The following NPB variants were observed in gnomAD, a reference collection of about 807,000 sequenced individuals.
The protein encoded by NPB is prepro-NPB.
In NPB, 8 loss-of-function variants were observed where a neutral mutation model predicts 6.7. The observed-to-expected ratio is 1.20, with a 90% CI of 0.71 to 2.17. NPB has a LOEUF of 2.17. Ranked by LOEUF, NPB falls within the 30% of genes most tolerant of loss-of-function variation. NPB has a pLI of 0.00. For synonymous variants in NPB, 118 were observed against 103.4 expected (o/e 1.14, Z -0.86); for missense variants, 199 against 190.2 (o/e 1.05, Z -0.27).
Position 81,902,433 on chromosome 17 carries a change from C to T in NPB, c.156C>T (p.Tyr52=). 1 of 1,353,012 alleles carries T rather than the reference C, an allele frequency of 7.4e-7. No homozygotes were observed. Among genetic ancestry groups the T allele is most frequent in the Non-Finnish European group, 9.4e-7 (1 of 1,060,232 alleles). The allele number at this position is 1,353,012 out of a possible 1,614,324, so 83.8% of individuals were successfully genotyped here. ...GLLSGLRRSP[Y]ARRSQPYRGA... Reference sequence around the variant, plus strand: ...TGTCCGGCCTCCGCAGGTCCCCGTACGCGCGGCGCTCCCAGCCCTACAGAG... The same window carrying T: ...TGTCCGGCCTCCGCAGGTCCCCGTATGCGCGGCGCTCCCAGCCCTACAGAG... Residue 52 remains tyrosine (Y), a synonymous_variant, in exon 1 of 2, where the codon TAC becomes TAT. Coordinates refer to ENST00000333383, the MANE Select transcript of NPB (RefSeq NM_148896.5).
chr17:81,902,767 A>G lies in NPB; in HGVS notation c.*19A>G, dbSNP rs1000430804. On this transcript the variant is annotated 3_prime_UTR_variant, in exon 2 of 2. Coordinates refer to ENST00000333383, the MANE Select transcript of NPB (RefSeq NM_148896.5). ...CGCCTGAGCCCGGACCTCTCCTGGC[A>G]CCGCTGGGGGCCCCCCGCCCCCACC... 1.6e-5 allele frequency: 25 copies of G among 1,591,394 alleles called. No individual in the cohort carries two copies. The highest frequency in any genetic ancestry group is 2.1e-5 in the Non-Finnish European group (25 of 1,171,362).
Position 81,902,684 on chromosome 17 carries a change from G to T in NPB, c.314G>T (p.Gly105Val). ...TGCGAGCGGCTCCCCGACGGCCGCG[G>T]GACCTACCAGTGCAAGGCGAACGTC... Reference protein sequence around the residue: ...QRCERLPDGRGTYQCKANVFL... With the variant: ...QRCERLPDGRVTYQCKANVFL... The change falls in exon 2 of 2, where the codon GGG becomes GTG. Residue 105 changes from glycine to valine, a missense_variant. By Grantham distance (109) the Gly-to-Val change is moderately radical. Coordinates refer to ENST00000333383, the MANE Select transcript of NPB (RefSeq NM_148896.5). The T allele has an allele frequency of 1.2e-6, 2 of 1,608,756 alleles. No individual in the cohort carries two copies. Among genetic ancestry groups the T allele is most frequent in the Non-Finnish European group, 8.5e-7 (1 of 1,178,792 alleles).
rs1195391579 is a variant in NPB, at chr17:81,902,491, C to G, written c.214C>G (p.Pro72Ala). The G allele has an allele frequency of 1.4e-6, 2 of 1,411,362 alleles. No homozygotes were observed. Among genetic ancestry groups the G allele is most frequent in the Non-Finnish European group, 1.8e-6 (2 of 1,090,940 alleles). 87.4% of individuals were successfully genotyped at this position (1,411,362 alleles called of 1,614,324 possible). A position where few individuals can be genotyped will look rare whatever the true frequency, so the allele number is the denominator to read the frequency against. Residue 72 changes from proline to alanine, a missense_variant, in exon 1 of 2, where the codon CCG becomes GCG. Transcript: ENST00000333383. ...ACCCCCGGGCGGGGCCGGCGCCTCC[C>G]CGGAGCTGCAACTGCACCCCAGGCT... is the stretch of plus-strand genomic sequence containing the variant. ...AEPPGGAGAS[P>A]ELQLHPRLRS...
rs201542175 is a variant in NPB, at chr17:81,902,638, G to A, written c.268G>A (p.Val90Ile). ...CCCCCAGGCTGTGTGCGTCCAGGAC[G>A]TCGCCCCAAACCTGCAGAGGTGCGA... is the stretch of plus-strand genomic sequence containing the variant. ...LRSLAVCVQD[V>I]APNLQRCERL... The change falls in exon 2 of 2, where the codon GTC (valine) becomes ATC (isoleucine). Residue 90 changes from valine (V) to isoleucine (I), a missense_variant. Physicochemically the swap from Val to Ile is conservative, Grantham distance 29. Coordinates refer to ENST00000333383, the MANE Select transcript of NPB (RefSeq NM_148896.5). The A allele has an allele frequency of 1.8e-4, 281 of 1,600,180 alleles. No homozygotes were observed. Among genetic ancestry groups the A allele is most frequent in the African/African-American group, 1.1e-3 (78 of 74,082 alleles).
chr17:81,902,789 C>CA lies in NPB; in HGVS notation c.*42dup. ...GGCACCGCTGGGGGCCCCCCGCCCC[C>CA]ACCGTCCCACTCGGTGACCCCAGGC... On this transcript the variant is annotated 3_prime_UTR_variant, in exon 2 of 2. Coordinates refer to ENST00000333383, the MANE Select transcript of NPB (RefSeq NM_148896.5). 2 of 1,562,972 alleles carry CA rather than the reference C, an allele frequency of 1.3e-6. No homozygotes were observed. Among genetic ancestry groups the CA allele is most frequent in the Non-Finnish European group, 8.6e-7 (1 of 1,157,286 alleles).
Position 81,902,294 on chromosome 17 carries a change from C to T in NPB, c.17C>T (p.Thr6Ile). 2.3e-6 allele frequency: 3 copies of T among 1,322,552 alleles called. No homozygotes were observed. The highest frequency in any genetic ancestry group is 2.9e-6 in the Non-Finnish European group (3 of 1,043,306). 81.9% of individuals were successfully genotyped at this position (1,322,552 alleles called of 1,614,324 possible). ...GGCGTCCCCATGGCCCGGTCCGCGA[C>T]ACTGGCGGCCGCCGCCCTGGCGCTG... MARSA[T>I]LAAAALALCL... The change falls in exon 1 of 2, where the codon ACA becomes ATA. Residue 6 changes from threonine (T) to isoleucine (I), a missense_variant. Coordinates refer to ENST00000333383, the MANE Select transcript of NPB (RefSeq NM_148896.5).
At chr17:81,902,559 C>T in intron 1 of NPB, 33 bp downstream of exon 1, 2 of 1,495,388 alleles carry the variant, frequency 1.3e-6, no homozygotes, top group Non-Finnish European at 8.9e-7. Context: ...TGATGGGGGG[C>T]GGCGGCAGGA....
At position 81,902,802 on chromosome 17, in the gene NPB, G is replaced by A. The variant is rs866685345; in HGVS notation, c.*54G>A. The A allele has an allele frequency of 6.5e-6, 10 of 1,529,774 alleles. 1 individual carries two copies. The Middle Eastern group carries it at 1.1e-3, about 163-fold the overall frequency. The allele number at this position is 1,529,774 out of a possible 1,614,324, so 94.8% of individuals were successfully genotyped here. On this transcript the variant is annotated 3_prime_UTR_variant, in exon 2 of 2. Coordinates refer to ENST00000333383, the MANE Select transcript of NPB (RefSeq NM_148896.5). ...GCCCCCCGCCCCCACCGTCCCACTCGGTGACCCCAGGCCCCTCCGGCGCGG... is the reference window on the plus strand; with the variant it reads ...GCCCCCCGCCCCCACCGTCCCACTCAGTGACCCCAGGCCCCTCCGGCGCGG...
rs1007486033 is a variant in NPB at position 81,902,711 on chromosome 17, T to C, written c.341T>C (p.Phe114Ser). The change falls in exon 2 of 2, where the codon TTC (phenylalanine) becomes TCC (serine). Residue 114 changes from phenylalanine to serine, a missense_variant. Physicochemically the swap from Phe to Ser is radical, Grantham distance 155 (BLOSUM62 -2). Coordinates refer to ENST00000333383, the MANE Select transcript of NPB (RefSeq NM_148896.5). ...RGTYQCKANV[F>S]LSLRAADCLA... ...ACCTACCAGTGCAAGGCGAACGTCT[T>C]CCTGTCCCTGCGCGCAGCCGACTGC... 3 of 1,608,808 alleles carry C rather than the reference T, an allele frequency of 1.9e-6. No homozygotes were observed. The highest frequency in any genetic ancestry group is 2.5e-6 in the Non-Finnish European group (3 of 1,178,738).
Position 81,902,700 on chromosome 17 carries a change from G to A in NPB, c.330G>A (p.Lys110=). 6.2e-7 allele frequency: 1 copy of A among 1,608,996 alleles called. No individual in the cohort carries two copies. Among genetic ancestry groups the A allele is most frequent in the Non-Finnish European group, 8.5e-7 (1 of 1,178,846 alleles). ...ACGGCCGCGGGACCTACCAGTGCAAGGCGAACGTCTTCCTGTCCCTGCGCG... is the reference window on the plus strand; with the variant it reads ...ACGGCCGCGGGACCTACCAGTGCAAAGCGAACGTCTTCCTGTCCCTGCGCG... ...LPDGRGTYQC[K]ANVFLSLRAA... Residue 110 remains lysine, a synonymous_variant, in exon 2 of 2, where the codon AAG becomes AAA. Transcript: ENST00000333383.
At position 81,902,545 on chromosome 17, in the gene NPB, G is replaced by T. The variant is rs759242584; in HGVS notation, c.249+19G>T. 6.7e-7 allele frequency: 1 copy of T among 1,484,166 alleles called. No individual in the cohort carries two copies. The allele number at this position is 1,484,166 out of a possible 1,614,324, so 91.9% of individuals were successfully genotyped here. A position where few individuals can be genotyped will look rare whatever the true frequency, so the allele number is the denominator to read the frequency against. ...GAGCCTCGTGAGTCCGGCGTGCCGGGGACTGATGGGGGGCGGCGGCAGGAC... is the reference window on the plus strand; with the variant it reads ...GAGCCTCGTGAGTCCGGCGTGCCGGTGACTGATGGGGGGCGGCGGCAGGAC... On this transcript the variant is annotated intron_variant, in intron 1 of 1. Transcript: ENST00000333383.
At chr17:81,902,588 G>GGCCCCTCAGCCTTTGCTTGCCT (rs780451386) in intron 1 of NPB, 32 bp from the exon 2 acceptor site, 2 of 1,526,790 alleles carry the variant, frequency 1.3e-6, no homozygotes, top group South Asian at 1.2e-5. Flanking sequence ...GGGGTGCGGC[G>GGCCCCTCAGCCTTTGCTTGCCT]GCCCCTCAGC....
At position 81,902,724 on chromosome 17, in the gene NPB, C is replaced by A. The variant is rs748977884; in HGVS notation, c.354C>A (p.Arg118=). Residue 118 remains arginine (R), a synonymous_variant, in exon 2 of 2, where the codon CGC becomes CGA. Transcript: ENST00000333383. ...QCKANVFLSL[R]AADCLAA ...AGGCGAACGTCTTCCTGTCCCTGCG[C>A]GCAGCCGACTGCCTCGCCGCCTGAG... The A allele has an allele frequency of 1.7e-5, 28 of 1,608,046 alleles. No individual in the cohort carries two copies. The highest frequency in any genetic ancestry group is 2.7e-5 in the African/African-American group (2 of 74,528).
In NPB at chr17:81,902,374, A is replaced by G. The variant is rs2039986202; in HGVS notation, c.97A>G (p.Ser33Gly). Residue 33 changes from serine to glycine, a missense_variant, in exon 1 of 2, where the codon AGC becomes GGC. By Grantham distance (56) the Ser-to-Gly change is moderately conservative. Transcript: ENST00000333383. ...GTGGTACAAGCCAGCGGCGGGGCACAGCTCCTACTCGGTGGGCCGCGCCGC... is the reference window on the plus strand; with the variant it reads ...GTGGTACAAGCCAGCGGCGGGGCACGGCTCCTACTCGGTGGGCCGCGCCGC... ...LAWYKPAAGH[S>G]SYSVGRAAGL... The G allele has an allele frequency of 7.5e-7, 1 of 1,341,096 alleles. No homozygotes were observed. Among genetic ancestry groups the G allele is most frequent in the Non-Finnish European group, 9.5e-7 (1 of 1,053,750 alleles). The allele number at this position is 1,341,096 out of a possible 1,614,324, so 83.1% of individuals were successfully genotyped here. A position where few individuals can be genotyped will look rare whatever the true frequency, so the allele number is the denominator to read the frequency against.
Position 81,902,442 on chromosome 17 carries a change from C to G in NPB, c.165C>G (p.Arg55=). 6.6e-6 allele frequency: 9 copies of G among 1,360,870 alleles called. No homozygotes were observed. Among genetic ancestry groups the G allele is most frequent in the Non-Finnish European group, 8.5e-6 (9 of 1,064,950 alleles). 84.3% of individuals were successfully genotyped at this position (1,360,870 alleles called of 1,614,324 possible). Residue 55 remains arginine (R), a synonymous_variant, in exon 1 of 2, where the codon CGC becomes CGG. Transcript: ENST00000333383. ...TCCGCAGGTCCCCGTACGCGCGGCGCTCCCAGCCCTACAGAGGGGCGGAAC... is the reference window on the plus strand; with the variant it reads ...TCCGCAGGTCCCCGTACGCGCGGCGGTCCCAGCCCTACAGAGGGGCGGAAC... ...SGLRRSPYAR[R]SQPYRGAEPP...
Position 81,902,710 on chromosome 17 carries a change from T to A in NPB, c.340T>A (p.Phe114Ile). 1.2e-6 allele frequency: 2 copies of A among 1,608,868 alleles called. No individual in the cohort carries two copies. Among genetic ancestry groups the A allele is most frequent in the Non-Finnish European group, 1.7e-6 (2 of 1,178,750 alleles). ...RGTYQCKANVFLSLRAADCLA... is the reference protein window; with the variant it reads ...RGTYQCKANVILSLRAADCLA... Reference sequence around the variant, plus strand: ...GACCTACCAGTGCAAGGCGAACGTCTTCCTGTCCCTGCGCGCAGCCGACTG... The same window carrying A: ...GACCTACCAGTGCAAGGCGAACGTCATCCTGTCCCTGCGCGCAGCCGACTG... Residue 114 changes from phenylalanine to isoleucine, a missense_variant, in exon 2 of 2, where the codon TTC becomes ATC. Transcript: ENST00000333383.
At position 81,902,488 on chromosome 17, in the gene NPB, T is replaced by A. The variant is rs1231565832; in HGVS notation, c.211T>A (p.Ser71Thr). The A allele has an allele frequency of 1.0e-5, 14 of 1,401,262 alleles. No homozygotes were observed. Among genetic ancestry groups the A allele is most frequent in the Non-Finnish European group, 1.2e-5 (13 of 1,086,140 alleles). 86.8% of individuals were successfully genotyped at this position (1,401,262 alleles called of 1,614,324 possible). A position where few individuals can be genotyped will look rare whatever the true frequency, so the allele number is the denominator to read the frequency against. ...GGAACCCCCGGGCGGGGCCGGCGCCTCCCCGGAGCTGCAACTGCACCCCAG... is the reference window on the plus strand; with the variant it reads ...GGAACCCCCGGGCGGGGCCGGCGCCACCCCGGAGCTGCAACTGCACCCCAG... ...GAEPPGGAGA[S>T]PELQLHPRLR... The change falls in exon 1 of 2, where the codon TCC becomes ACC. Residue 71 changes from serine to threonine, a missense_variant. Transcript: ENST00000333383.
Position 81,902,765 on chromosome 17 carries a change from G to C in NPB, c.*17G>C. The C allele has an allele frequency of 5.6e-6, 9 of 1,593,228 alleles. No homozygotes were observed. Among genetic ancestry groups the C allele is most frequent in the Non-Finnish European group, 7.7e-6 (9 of 1,172,218 alleles). ...GCCGCCTGAGCCCGGACCTCTCCTG[G>C]CACCGCTGGGGGCCCCCCGCCCCCA... is the stretch of plus-strand genomic sequence containing the variant. On this transcript the variant is annotated 3_prime_UTR_variant, in exon 2 of 2. Transcript: ENST00000333383.
At position 81,902,526 on chromosome 17, in the gene NPB, C is replaced by G. The variant is rs931307670; in HGVS notation, c.249C>G (p.Leu83=). The G allele has an allele frequency of 2.1e-6, 3 of 1,457,714 alleles. No homozygotes were observed. Among genetic ancestry groups the G allele is most frequent in the Non-Finnish European group, 9.0e-7 (1 of 1,112,114 alleles). 90.3% of individuals were successfully genotyped at this position (1,457,714 alleles called of 1,614,324 possible). Reference sequence around the variant, plus strand: ...AACTGCACCCCAGGCTGCGGAGCCTCGTGAGTCCGGCGTGCCGGGGACTGA... The same window carrying G: ...AACTGCACCCCAGGCTGCGGAGCCTGGTGAGTCCGGCGTGCCGGGGACTGA... ...ELQLHPRLRS[L]AVCVQDVAPN... Residue 83 remains leucine, a splice_region_variant and synonymous_variant, in exon 1 of 2, where the codon CTC becomes CTG. Transcript: ENST00000333383.
Sources: gnomAD v4.1 joint callset for allele counts on GRCh38, gnomAD v4.1.1 for gene constraint, MANE v1.5 for transcripts, NCBI Gene and HGNC (gene_info 2026-07-23, HGNC 2026-07-21) for gene names.